The following ADK variants were observed in gnomAD, a reference collection of about 807,000 sequenced individuals.
ADK encodes N6,N6-dimethyladenosine kinase.
In ADK, 24 loss-of-function variants were observed where a neutral mutation model predicts 44.7. The ratio of observed to expected loss-of-function variants is 0.54; its 90% CI spans 0.39 to 0.76. ADK has a LOEUF of 0.76. ADK is among the 30% of genes least tolerant of loss of function. The probability of loss-of-function intolerance (pLI) is 0.00; values close to 1 mark genes in which losing one functional copy is unlikely to be tolerated. For synonymous variants in ADK, 128 were observed against 142.6 expected (o/e 0.90, Z 0.73); for missense variants, 321 against 425.1 (o/e 0.76, Z 2.15).
chr10:74,216,581 C>T lies in ADK; in HGVS notation c.141-7957C>T, dbSNP rs186504453. The stretch of plus-strand genomic sequence containing the variant: ...TTCTACTTAAAATACGAAAATTAGC[C>T]GGGCGTGGGGGTGCATGCCTGTAGT... On this transcript the variant is annotated intron_variant, in intron 2 of 10. Transcript: ENST00000539909. Among the ~76,000 whole-genome samples, 733 of 151,772 alleles carry T rather than the reference C, an allele frequency of 4.8e-3. 4 individuals carry two copies. The highest frequency in any genetic ancestry group is 8.0e-3 in the Non-Finnish European group (547 of 67,958).
At chr10:74,506,970 G>A (rs990757658) in intron 6 of ADK, among the ~76,000 whole-genome samples, 10 of 152,086 alleles carry the variant, frequency 6.6e-5, no homozygotes, top group Non-Finnish European at 1.5e-4. Flanking sequence ...ACACACAAGT[G>A]GATCCATGCA....
intron 6 of ADK, among the ~76,000 whole-genome samples, chr10:74,508,866 A>C (rs550483767): frequency 6.6e-6 from 1 of 152,328 alleles, no homozygotes; most frequent in Non-Finnish European, 1.5e-5. Context: ...TACATAATAT[A>C]TAAAAGGGTA....
At chr10:74,240,579 C>A (rs1392590786) in intron 3 of ADK, among the ~76,000 whole-genome samples, 1 of 152,074 alleles carries the variant, frequency 6.6e-6, no homozygotes, top group African/African-American at 2.4e-5. Context: ...TGGAAATTAG[C>A]AAATATTTTT....
At chr10:74,675,358 T>G (rs1855350797) in intron 10 of ADK, among the ~76,000 whole-genome samples, 1 of 152,190 alleles carries the variant, frequency 6.6e-6, no homozygotes, top group Non-Finnish European at 1.5e-5. Flanking sequence ...TTAAATTAAA[T>G]TAAATTCGTA....
intron 2 of ADK, among the ~76,000 whole-genome samples, chr10:74,208,741 T>A (rs532540565): frequency 6.6e-6 from 1 of 151,898 alleles, no homozygotes; most frequent in East Asian, 1.9e-4. Flanking sequence ...TTTATTTTTT[T>A]ATTTTTTATT....
chr10:74,577,108 C>CTTTG (rs1194977442), intron 7 of ADK, among the ~76,000 whole-genome samples: 1 of 93,166 alleles, frequency 1.1e-5, no homozygotes, highest in Admixed American at 1.2e-4. Context: ...TGTATTATTT[C>CTTTG]TCTGTGTGTG....
intron 4 of ADK, among the ~76,000 whole-genome samples, chr10:74,391,360 A>G (rs1045226003): frequency 6.6e-6 from 1 of 152,080 alleles, no homozygotes; most frequent in Non-Finnish European, 1.5e-5. Context: ...TCAGAAGTCA[A>G]ATTTGTATGG....
chr10:74,210,181 T>C (rs755634659), intron 2 of ADK, among the ~76,000 whole-genome samples: 1 of 151,828 alleles, frequency 6.6e-6, no homozygotes, highest in African/African-American at 2.4e-5. Context: ...AATAAAAAAT[T>C]AGCTGGGTGT....
intron 4 of ADK, among the ~76,000 whole-genome samples, chr10:74,316,932 A>G (rs1037898431): frequency 3.3e-5 from 5 of 151,966 alleles, no homozygotes; most frequent in Non-Finnish European, 5.9e-5. Flanking sequence ...CTAACAACGT[A>G]TTCTAGTAGT....
At chr10:74,452,143 A>C (rs1845801913) in intron 6 of ADK, among the ~76,000 whole-genome samples, 1 of 152,038 alleles carries the variant, frequency 6.6e-6, no homozygotes, top group South Asian at 2.1e-4. Flanking sequence ...AATTTGTAAC[A>C]GAGAAAATAG....
chr10:74,668,260 G>T (rs1032561620), intron 9 of ADK, among the ~76,000 whole-genome samples: 1 of 152,154 alleles, frequency 6.6e-6, no homozygotes, highest in African/African-American at 2.4e-5. Flanking sequence ...TCAGACTGCA[G>T]ACCTTTCCTG....
At chr10:74,223,914 C>T (rs1844422373) in intron 2 of ADK, among the ~76,000 whole-genome samples, 1 of 152,052 alleles carries the variant, frequency 6.6e-6, no homozygotes, top group Admixed American at 6.6e-5. Context: ...CATGTTAAAA[C>T]CCCTTCTCTA....
intron 10 of ADK, among the ~76,000 whole-genome samples, chr10:74,678,801 TGTGTTA>T (rs1855497900): frequency 6.6e-6 from 1 of 151,038 alleles, no homozygotes; most frequent in Admixed American, 6.6e-5. Context: ...AAAATATATG[TGTGTTA>T]GTTCCCTGAC....
At chr10:74,594,457 G>A (rs73276239) in intron 8 of ADK, among the ~76,000 whole-genome samples, 6,515 of 151,604 alleles carry the variant, frequency 0.043, 425 homozygotes, top group African/African-American at 0.14. Flanking sequence ...AAAGCAAGGA[G>A]GTAAAGAAGG....
chr10:74,232,727 G>A (rs971858404), intron 3 of ADK, among the ~76,000 whole-genome samples: 4 of 152,062 alleles, frequency 2.6e-5, no homozygotes, highest in African/African-American at 9.7e-5. Flanking sequence ...CCGGGTTCAC[G>A]CCATTCTCCT....
intron 6 of ADK, among the ~76,000 whole-genome samples, chr10:74,463,729 G>A (rs948619611): frequency 6.6e-6 from 1 of 152,030 alleles, no homozygotes. Flanking sequence ...CTCATTGTTA[G>A]GAGGCTAAAA....
chr10:74,297,793 A>G (rs192354696), intron 3 of ADK, among the ~76,000 whole-genome samples: 9 of 152,338 alleles, frequency 5.9e-5, no homozygotes, highest in Admixed American at 2.6e-4. Flanking sequence ...ACACTGATGC[A>G]TATTCCTTTA....
At chr10:74,606,739 T>C (rs1852336490) in intron 9 of ADK, among the ~76,000 whole-genome samples, 1 of 152,202 alleles carries the variant, frequency 6.6e-6, no homozygotes, top group Admixed American at 6.5e-5. Context: ...GTTCTGTAGA[T>C]GTCTATTAGG....
intron 3 of ADK, among the ~76,000 whole-genome samples, chr10:74,305,690 T>C (rs1840222102): frequency 6.6e-6 from 1 of 152,154 alleles, no homozygotes; most frequent in Non-Finnish European, 1.5e-5. Flanking sequence ...TTAATCAAAT[T>C]TGGAAATTTT....
Sources: allele counts gnomAD v4.1 joint callset (sites outside exome capture counted in the v4.1 genomes callset), GRCh38; gene constraint gnomAD v4.1.1; transcripts MANE v1.5; gene names NCBI Gene and HGNC (gene_info 2026-07-23, HGNC 2026-07-21).